Variants in MGAT4C observed in about 807,000 individuals in gnomAD.
MGAT4C encodes MGAT4 family member C, also known as alpha-1,3-mannosyl-glycoprotein 4-beta-N-acetylglucosaminyltransferase C.
Under a neutral mutation model 40.1 loss-of-function variants are expected in MGAT4C, and 19 were observed. The observed-to-expected ratio is 0.47, with a 90% CI of 0.33 to 0.70. The LOEUF is 0.70. Ranked by LOEUF, MGAT4C falls within the 30% of genes least tolerant of loss-of-function variation. The pLI, the probability that MGAT4C is intolerant of heterozygous loss-of-function variation, is 0.02. For missense variants in MGAT4C, 491 were observed against 563.2 expected (o/e 0.87, Z 1.30); for synonymous variants, 181 against 187.1 (o/e 0.97, Z 0.27).
In MGAT4C at chr12:86,282,930, A is replaced by C. The variant is rs981448348; in HGVS notation, c.-57+51135T>G. Among the ~76,000 whole-genome samples, 4 of 152,144 alleles carry C rather than the reference A, an allele frequency of 2.6e-5. No individual in the cohort carries two copies. In the East Asian group the frequency reaches 5.8e-4, roughly 22 times the overall value. On this transcript the variant is annotated intron_variant, in intron 4 of 7. Transcript: ENST00000548651. Reference sequence around the variant, plus strand: ...TTATATTATACCCAGTGTGTCTTCTAGCACTATGAAACTTTAGATCAAAGC... The same window carrying C: ...TTATATTATACCCAGTGTGTCTTCTCGCACTATGAAACTTTAGATCAAAGC...
intron 3 of MGAT4C, among the ~76,000 whole-genome samples, chr12:86,433,594 T>C (rs942544152): frequency 2.0e-5 from 3 of 151,926 alleles, no homozygotes; most frequent in African/African-American, 7.2e-5. Flanking sequence ...CCCTTTAAAC[T>C]AGAATCTCTT....
intron 3 of MGAT4C, among the ~76,000 whole-genome samples, chr12:86,341,894 C>T (rs982089147): frequency 6.6e-6 from 1 of 152,196 alleles, no homozygotes; most frequent in South Asian, 2.1e-4. Context: ...AGGTAGGTCG[C>T]CATCTTTGCT....
At chr12:86,092,625 T>C (rs1408703568) in intron 1 of MGAT4C, among the ~76,000 whole-genome samples, 1 of 152,144 alleles carries the variant, frequency 6.6e-6, no homozygotes, top group Non-Finnish European at 1.5e-5. Context: ...ATTAACTCTG[T>C]TTTTCATTTA....
rs562999260 is a variant in MGAT4C, at chr12:85,985,092, A to G, written c.148-1422T>C. ...AGCACACCTGGCCTTATGTGGATTT[A>G]TTTTATTCAGTATAGAAAGTCAAGC... On this transcript the variant is annotated intron_variant, in intron 3 of 4. Transcript: ENST00000611864. Among the ~76,000 whole-genome samples, 36 of 152,254 alleles carry G rather than the reference A, an allele frequency of 2.4e-4. No individual in the cohort carries two copies. The East Asian group carries it at 6.6e-3, about 28-fold the overall frequency.
At chr12:86,420,845 G>GTATATACATATATATGTGTATA (rs1956809695) in intron 3 of MGAT4C, among the ~76,000 whole-genome samples, 1 of 144,946 alleles carries the variant, frequency 6.9e-6, no homozygotes, top group Non-Finnish European at 1.5e-5. Context: ...ACACACATAT[G>GTATATACATATATATGTGTATA]TATATACATA....
intron 2 of MGAT4C, among the ~76,000 whole-genome samples, chr12:86,017,131 A>T (rs180762341): frequency 6.7e-4 from 102 of 151,902 alleles, no homozygotes; most frequent in Middle Eastern, 3.4e-3. Context: ...GAAAACATTT[A>T]AAAAAAACGT....
intron 4 of MGAT4C, among the ~76,000 whole-genome samples, chr12:86,262,998 T>C (rs181406824): frequency 2.3e-4 from 35 of 151,982 alleles, no homozygotes; most frequent in African/African-American, 8.2e-4. Context: ...ATATTTTCTA[T>C]TAAAAGAGTG....
chr12:86,652,214 T>C (rs1309939626), intron 2 of MGAT4C, among the ~76,000 whole-genome samples: 2 of 151,850 alleles, frequency 1.3e-5, no homozygotes, highest in African/African-American at 4.8e-5. Flanking sequence ...ACAAACCTAA[T>C]TTTTATTCTC....
intron 1 of MGAT4C, among the ~76,000 whole-genome samples, chr12:86,103,669 C>T (rs1038322269): frequency 2.9e-4 from 44 of 152,176 alleles, no homozygotes; most frequent in African/African-American, 9.6e-4. Context: ...CTAATATACC[C>T]TTGTGTCCTG....
At chr12:86,524,323 G>A (rs1958844274) in intron 2 of MGAT4C, among the ~76,000 whole-genome samples, 1 of 152,140 alleles carries the variant, frequency 6.6e-6, no homozygotes, top group Non-Finnish European at 1.5e-5. Flanking sequence ...TGGCTGAAAA[G>A]GACCTTATTT....
At chr12:86,220,387 A>G (rs1950834054) in intron 1 of MGAT4C, among the ~76,000 whole-genome samples, 1 of 152,238 alleles carries the variant, frequency 6.6e-6, no homozygotes, top group South Asian at 2.1e-4. Flanking sequence ...ACTGAATGTT[A>G]CATATGGCAT....
intron 2 of MGAT4C, among the ~76,000 whole-genome samples, chr12:86,588,479 C>T (rs1741543681): frequency 6.6e-6 from 1 of 151,964 alleles, no homozygotes; most frequent in Non-Finnish European, 1.5e-5. Context: ...CCACTGTCAA[C>T]ATTAGACAGA....
intron 2 of MGAT4C, among the ~76,000 whole-genome samples, chr12:86,006,431 G>C (rs1184174107): frequency 6.6e-6 from 1 of 152,046 alleles, no homozygotes; most frequent in Admixed American, 6.6e-5. Context: ...TATCCCAACA[G>C]ATGTTTCAGC....
chr12:86,293,985 T>C, intron 4 of MGAT4C, among the ~76,000 whole-genome samples: 1 of 152,178 alleles, frequency 6.6e-6, no homozygotes, highest in East Asian at 1.9e-4. Flanking sequence ...ACTTTTCTTC[T>C]TTGATTCTTT....
At chr12:86,349,796 C>G (rs1955119946) in intron 3 of MGAT4C, among the ~76,000 whole-genome samples, 1 of 152,108 alleles carries the variant, frequency 6.6e-6, no homozygotes, top group African/African-American at 2.4e-5. Flanking sequence ...TACATATCTA[C>G]TGTGACAAAT....
At chr12:86,619,362 T>A (rs935822125) in intron 2 of MGAT4C, among the ~76,000 whole-genome samples, 4 of 152,262 alleles carry the variant, frequency 2.6e-5, no homozygotes, top group Admixed American at 2.0e-4. Context: ...TCAAGAAATC[T>A]TAGTTACATT....
chr12:86,742,723 T>C (rs1951087103), intron 1 of MGAT4C, among the ~76,000 whole-genome samples: 2 of 151,520 alleles, frequency 1.3e-5, no homozygotes, highest in Non-Finnish European at 3.0e-5. Context: ...CTCCTTAGCA[T>C]AGTAAATTAG....
At chr12:86,680,293 A>G (rs1350242239) in intron 2 of MGAT4C, among the ~76,000 whole-genome samples, 1 of 152,012 alleles carries the variant, frequency 6.6e-6, no homozygotes, top group East Asian at 1.9e-4. Context: ...CTAACTGAAA[A>G]TTTTACAATT....
intron 2 of MGAT4C, among the ~76,000 whole-genome samples, chr12:86,595,250 T>A (rs1249158051): frequency 2.0e-5 from 3 of 152,118 alleles, no homozygotes; most frequent in African/African-American, 7.2e-5. Context: ...CTTTTAAAAC[T>A]GATCATCTAT....
Sources: gnomAD v4.1 joint callset for allele counts (sites outside exome capture counted in the v4.1 genomes callset) on GRCh38, gnomAD v4.1.1 for gene constraint, MANE v1.5 for transcripts, NCBI Gene and HGNC (gene_info 2026-07-23, HGNC 2026-07-21) for gene names.